The following NCS1 variants were observed in gnomAD, a reference collection of about 807,000 sequenced individuals.
The protein encoded by NCS1 is frequenin homolog.
NCS1 carries 6 observed loss-of-function variants against 28.4 expected under a neutral mutation model. That is an observed-to-expected ratio of 0.21 (90% CI 0.12 to 0.42). NCS1 has a LOEUF of 0.42. Ranked by LOEUF, NCS1 falls within the 10% of genes least tolerant of loss-of-function variation. The probability of loss-of-function intolerance (pLI) is 1.00; values close to 1 mark genes in which losing one functional copy is unlikely to be tolerated. For missense variants in NCS1, 131 were observed against 241.4 expected (o/e 0.54, Z 3.03); for synonymous variants, 86 against 99.3 (o/e 0.87, Z 0.79).
At chr9:130,220,156 G>C (rs1413973530) in intron 4 of NCS1, among the ~76,000 whole-genome samples, 2 of 152,218 alleles carry the variant, frequency 1.3e-5, no homozygotes, top group East Asian at 3.8e-4. Flanking sequence ...ACTCGGGCAG[G>C]TGCAGACTTG....
intron 1 of NCS1, among the ~76,000 whole-genome samples, chr9:130,188,015 G>A (rs1554905821): frequency 1.3e-5 from 2 of 152,240 alleles, no homozygotes; most frequent in African/African-American, 4.8e-5. Context: ...AAAGTGGGGA[G>A]ATGGGGGGTG....
Position 130,219,634 on chromosome 9 carries a change from C to A in NCS1, c.229-91C>A. 1 of 1,183,704 alleles carries A rather than the reference C, an allele frequency of 8.4e-7. No homozygotes were observed. Among genetic ancestry groups the A allele is most frequent in the Non-Finnish European group, 1.2e-6 (1 of 802,600 alleles). The allele number at this position is 1,183,704 out of a possible 1,614,324, so 73.3% of individuals were successfully genotyped here. ...TGTCCATTGGCCACAGTGTCTGGAG[C>A]CTGCGACTGCCCCTCGCCCGTCCCG... On this transcript the variant is annotated intron_variant, in intron 3 of 7. Coordinates refer to ENST00000372398, the MANE Select transcript of NCS1 (RefSeq NM_014286.4). The surrounding 1 kb of genome is among the most constrained non-coding windows in gnomAD (Gnocchi z 5.7).
intron 1 of NCS1, among the ~76,000 whole-genome samples, chr9:130,194,881 G>A (rs1001714452): frequency 3.3e-5 from 5 of 152,234 alleles, no homozygotes; most frequent in Non-Finnish European, 5.9e-5. Flanking sequence ...AAACACGTTT[G>A]AGGATGTGTT....
In NCS1 at chr9:130,236,280, T is replaced by A. The variant is rs1833591529; in HGVS notation, c.*3308T>A. ...GAAAGTCACCCTGTTCCCAGCGCGG[T>A]TTCAGCATTTAATTTTAAGGGAGCT... On this transcript the variant is annotated 3_prime_UTR_variant, in exon 8 of 8. Transcript: ENST00000372398. The A allele has an allele frequency of 6.6e-6, 1 of 152,004 alleles. No homozygotes were observed. The highest frequency in any genetic ancestry group is 1.5e-5 in the Non-Finnish European group (1 of 68,008). 9.4% of individuals were successfully genotyped at this position (152,004 alleles called of 1,614,324 possible).
intron 1 of NCS1, among the ~76,000 whole-genome samples, 196 bp downstream of exon 1, chr9:130,172,923 G>A (rs1832505915): frequency 6.6e-6 from 1 of 151,628 alleles, no homozygotes; most frequent in Admixed American, 6.6e-5. Flanking sequence ...CATTGTTCTG[G>A]CACCCCCAGC....
Position 130,172,560 on chromosome 9 carries a change from G to T in NCS1, c.-104G>T. 2.2e-6 allele frequency: 1 copy of T among 460,498 alleles called. No homozygotes were observed. Among genetic ancestry groups the T allele is most frequent in the Non-Finnish European group, 2.9e-6 (1 of 342,156 alleles). The allele number at this position is 460,498 out of a possible 1,614,324, so 28.5% of individuals were successfully genotyped here. A position where few individuals can be genotyped will look rare whatever the true frequency, so the allele number is the denominator to read the frequency against. Reference sequence around the variant, plus strand: ...AGCCGCGCAGCGCAGCGCGGGCGCCGCAGACAAAGGCGCGGCCCCGGCCCG... The same window carrying T: ...AGCCGCGCAGCGCAGCGCGGGCGCCTCAGACAAAGGCGCGGCCCCGGCCCG... On this transcript the variant is annotated 5_prime_UTR_variant, in exon 1 of 8. Transcript: ENST00000372398.
intron 1 of NCS1, among the ~76,000 whole-genome samples, chr9:130,178,462 G>A (rs575659707): frequency 6.6e-6 from 1 of 152,228 alleles, no homozygotes; most frequent in Non-Finnish European, 1.5e-5. Flanking sequence ...CCCGGCAGAG[G>A]CCTTGGGATC....
In NCS1 at chr9:130,177,386, G is replaced by A. The variant is rs1832587543; in HGVS notation, c.64+4659G>A. Among the ~76,000 whole-genome samples, 1 of 152,234 alleles carries A rather than the reference G, an allele frequency of 6.6e-6. No homozygotes were observed. The highest frequency in any genetic ancestry group is 2.4e-5 in the African/African-American group (1 of 41,466). On this transcript the variant is annotated intron_variant, in intron 1 of 7. Transcript: ENST00000372398. The surrounding 1 kb of genome is among the most constrained non-coding windows in gnomAD (Gnocchi z 4.4). Reference sequence around the variant, plus strand: ...TCACTGGAGACCATCTTGGGACAAAGCTGGGGGTTGTGTGATGGCTGCGTG... The same window carrying A: ...TCACTGGAGACCATCTTGGGACAAAACTGGGGGTTGTGTGATGGCTGCGTG...
At chr9:130,173,622 G>T (rs1455404076) in intron 1 of NCS1, among the ~76,000 whole-genome samples, 2 of 152,178 alleles carry the variant, frequency 1.3e-5, no homozygotes, top group African/African-American at 4.8e-5. Context: ...TTCAGCATCG[G>T]GGTCTGGAAG....
rs782304394 is a variant in NCS1, at chr9:130,226,433, C to G, written c.519C>G (p.Ser173=). Reference sequence around the variant, plus strand: ...CCCTGCAGGAGTTCCAGGAGGGTTCCAAGGCAGACCCGTCCATTGTGCAGG... The same window carrying G: ...CCCTGCAGGAGTTCCAGGAGGGTTCGAAGGCAGACCCGTCCATTGTGCAGG... ...KLTLQEFQEG[S]KADPSIVQAL... is the part of the protein sequence containing the mutation. Residue 173 remains serine, a synonymous_variant, in exon 7 of 8, where the codon TCC becomes TCG. Coordinates refer to ENST00000372398, the MANE Select transcript of NCS1 (RefSeq NM_014286.4). This position sits in a 1 kb window ranked among gnomAD's most constrained non-coding sequence, Gnocchi z 4.8. The G allele has an allele frequency of 3.3e-5, 54 of 1,614,046 alleles. 1 individual carries two copies. The highest frequency in any genetic ancestry group is 8.5e-7 in the Non-Finnish European group (1 of 1,180,030).
At position 130,177,304 on chromosome 9, in the gene NCS1, C is replaced by T. The variant is rs1429729299; in HGVS notation, c.64+4577C>T. Among the ~76,000 whole-genome samples the T allele has an allele frequency of 6.6e-6, 1 of 152,184 alleles. No individual in the cohort carries two copies. The highest frequency in any genetic ancestry group is 1.5e-5 in the Non-Finnish European group (1 of 68,026). The stretch of plus-strand genomic sequence containing the variant: ...GGTGAGGAATATTCTCTGATCATCA[C>T]TCCCCACCCAACTCTGCTCAACCAG... On this transcript the variant is annotated intron_variant, in intron 1 of 7. Transcript: ENST00000372398. This position sits in a 1 kb window ranked among gnomAD's most constrained non-coding sequence, Gnocchi z 4.4.
At chr9:130,201,947 G>A (rs1181017485) in intron 2 of NCS1, among the ~76,000 whole-genome samples, 1 of 152,144 alleles carries the variant, frequency 6.6e-6, no homozygotes, top group East Asian at 1.9e-4. Flanking sequence ...TTCCTTCCTG[G>A]GCCATCTGAA....
intron 2 of NCS1, among the ~76,000 whole-genome samples, chr9:130,205,073 A>G (rs1833006552): frequency 1.3e-5 from 2 of 152,102 alleles, no homozygotes; most frequent in South Asian, 4.2e-4. Flanking sequence ...GGAAACGAAG[A>G]TGAGAGCACA....
In NCS1 at chr9:130,172,653, G is replaced by T; in HGVS notation, c.-11G>T. 6.9e-7 allele frequency: 1 copy of T among 1,452,664 alleles called. No homozygotes were observed. Among genetic ancestry groups the T allele is most frequent in the Non-Finnish European group, 9.2e-7 (1 of 1,090,268 alleles). The allele number at this position is 1,452,664 out of a possible 1,614,324, so 90.0% of individuals were successfully genotyped here. ...TCCGGCCCGGGGGGGCGGGGGCCGC[G>T]GCCGCCGAGGATGGGGAAATCCAAC... is the stretch of plus-strand genomic sequence containing the variant. On this transcript the variant is annotated 5_prime_UTR_variant, in exon 1 of 8. Transcript: ENST00000372398.
intron 6 of NCS1, among the ~76,000 whole-genome samples, chr9:130,225,760 G>A (rs185393773): frequency 6.6e-5 from 10 of 152,334 alleles, no homozygotes; most frequent in African/African-American, 1.4e-4. Context: ...GCTCATCGGC[G>A]CTGTTTTCGG....
Position 130,233,674 on chromosome 9 carries a change from C to T in NCS1, c.*702C>T, listed in dbSNP as rs1482672990. On this transcript the variant is annotated 3_prime_UTR_variant, in exon 8 of 8. Transcript: ENST00000372398. This position sits in a 1 kb window ranked among gnomAD's most constrained non-coding sequence, Gnocchi z 4.8. ...ATTTATTGGTTGTTAACTGTTGCTG[C>T]TGCCTGGTGTGTCCTCAGCTCCCAG... The T allele has an allele frequency of 7.9e-5, 12 of 152,404 alleles. No homozygotes were observed. The highest frequency in any genetic ancestry group is 2.9e-4 in the African/African-American group (12 of 41,386). 9.4% of individuals were successfully genotyped at this position (152,404 alleles called of 1,614,324 possible). A position where few individuals can be genotyped will look rare whatever the true frequency, so the allele number is the denominator to read the frequency against.
chr9:130,191,725 G>A lies in NCS1; in HGVS notation c.65-9233G>A, dbSNP rs751656763. Among the ~76,000 whole-genome samples the A allele has an allele frequency of 3.3e-5, 5 of 152,368 alleles. No homozygotes were observed. Among genetic ancestry groups the A allele is most frequent in the African/African-American group, 9.6e-5 (4 of 41,596 alleles). On this transcript the variant is annotated intron_variant, in intron 1 of 7. Transcript: ENST00000372398. This position sits in a 1 kb window ranked among gnomAD's most constrained non-coding sequence, Gnocchi z 6.4. ...TCAGCACCCGATGGCGACAGTGGCC[G>A]TCACAGCTGCTCACTGCTGCACATG...
At chr9:130,201,030 C>T in intron 2 of NCS1, 48 bp downstream of exon 2, 5 of 1,612,848 alleles carry the variant, frequency 3.1e-6, no homozygotes, top group East Asian at 2.2e-5. Context: ...CGGCTGTGGG[C>T]TTTGTGGGCT....
rs1053943853 is a variant in NCS1 at position 130,186,611 on chromosome 9, G to C, written c.64+13884G>C. On this transcript the variant is annotated intron_variant, in intron 1 of 7. Coordinates refer to ENST00000372398, the MANE Select transcript of NCS1 (RefSeq NM_014286.4). This position sits in a 1 kb window ranked among gnomAD's most constrained non-coding sequence, Gnocchi z 4.1. ...CTCCCGAACCCCCAGCCCCAGGAAG[G>C]GGTGGGAGACACAGAGCTGGTCTCC... Among the ~76,000 whole-genome samples, 1 of 152,132 alleles carries C rather than the reference G, an allele frequency of 6.6e-6. No individual in the cohort carries two copies. Among genetic ancestry groups the C allele is most frequent in the Admixed American group, 6.5e-5 (1 of 15,272 alleles).
Sources: allele counts gnomAD v4.1 joint callset (sites outside exome capture counted in the v4.1 genomes callset), GRCh38; gene constraint gnomAD v4.1.1; non-coding constraint Gnocchi (gnomAD v3.1); transcripts MANE v1.5; gene names NCBI Gene and HGNC (gene_info 2026-07-23, HGNC 2026-07-21).